Variants in MTHFSD observed in about 807,000 individuals in gnomAD.
MTHFSD encodes the protein methenyltetrahydrofolate synthetase domain containing, also known as methenyltetrahydrofolate synthase domain-containing protein.
Under a neutral mutation model 31.1 loss-of-function variants are expected in MTHFSD, and 37 were observed. The ratio of observed to expected loss-of-function variants is 1.19; its 90% CI spans 0.91 to 1.56. The LOEUF (loss-of-function observed/expected upper bound fraction) is 1.56. Among genes scored for constraint, MTHFSD ranks in the 40% most tolerant of loss-of-function variants. MTHFSD has a pLI of 0.00. For missense variants in MTHFSD, 664 were observed against 510.1 expected (o/e 1.30, Z -2.91); for synonymous variants, 221 against 206.9 (o/e 1.07, Z -0.59).
At chr16:86,552,238 T>A in intron 2 of MTHFSD, 92 bp from the exon 3 acceptor site, 1 of 1,612,176 alleles carries the variant, frequency 6.2e-7, no homozygotes, top group South Asian at 1.1e-5. Context: ...TTAATGGTCC[T>A]GGCCGTTTTG....
chr16:86,543,008 A>C (rs1241065599), intron 5 of MTHFSD, among the ~76,000 whole-genome samples: 1 of 152,274 alleles, frequency 6.6e-6, no homozygotes, highest in East Asian at 1.9e-4. Flanking sequence ...TGCCGTGTCT[A>C]AGACTCACAT....
At position 86,552,074 on chromosome 16, in the gene MTHFSD, G is replaced by A. The variant is rs749320752; in HGVS notation, c.196C>T (p.Pro66Ser). Residue 66 changes from proline to serine, a missense_variant, in exon 3 of 8, where the codon CCT (proline) becomes TCT (serine). By Grantham distance (74) the Pro-to-Ser change is moderately conservative. Coordinates refer to ENST00000360900, the MANE Select transcript of MTHFSD (RefSeq NM_001159377.2). ...CGAACGCCTTCCAGTGGTTTATCAG[G>A]GTCCACTTTAACTTCCTGTGTTCTG... ...FARTQEVKVD[P>S]DKPLEGVRLL... 6.2e-7 allele frequency: 1 copy of A among 1,614,150 alleles called. No individual in the cohort carries two copies. The highest frequency in any genetic ancestry group is 8.5e-7 in the Non-Finnish European group (1 of 1,180,042).
rs772448153 is a variant in MTHFSD at position 86,548,455 on chromosome 16, G to A, written c.351+9C>T. On this transcript the variant is annotated intron_variant, in intron 4 of 7. Coordinates refer to ENST00000360900, the MANE Select transcript of MTHFSD (RefSeq NM_001159377.2). ...TTTCCTAGGTGGGGACATTGCTTCT[G>A]GTACTTACCTGAGAGGTGGCACATT... 1 of 1,607,380 alleles carries A rather than the reference G, an allele frequency of 6.2e-7. No individual in the cohort carries two copies. Among genetic ancestry groups the A allele is most frequent in the Non-Finnish European group, 8.5e-7 (1 of 1,174,284 alleles).
In MTHFSD at chr16:86,542,008, C is replaced by T; in HGVS notation, c.555+93G>A. The stretch of plus-strand genomic sequence containing the variant: ...CTGATCCACACCACTCGCCACACAG[C>T]ATGGTTCAGAAGCAGATGAGTCTCC... On this transcript the variant is annotated intron_variant, in intron 6 of 7. Coordinates refer to ENST00000360900, the MANE Select transcript of MTHFSD (RefSeq NM_001159377.2). This position sits in a 1 kb window ranked among gnomAD's most constrained non-coding sequence, Gnocchi z 4.6. 7.3e-7 allele frequency: 1 copy of T among 1,371,666 alleles called. No individual in the cohort carries two copies. The highest frequency in any genetic ancestry group is 1.3e-5 in the South Asian group (1 of 78,440). The allele number at this position is 1,371,666 out of a possible 1,614,324, so 85.0% of individuals were successfully genotyped here. A position where few individuals can be genotyped will look rare whatever the true frequency, so the allele number is the denominator to read the frequency against.
chr16:86,533,081 C>T (rs572749771), intron 7 of MTHFSD: 2 of 152,410 alleles, frequency 1.3e-5, no homozygotes, highest in South Asian at 2.1e-4. Context: ...GCTTTGAAAA[C>T]ACTTCCTAGC....
At chr16:86,549,913 G>A (rs554371677) in intron 3 of MTHFSD, among the ~76,000 whole-genome samples, 11 of 152,320 alleles carry the variant, frequency 7.2e-5, no homozygotes, top group East Asian at 3.9e-4. Context: ...CCGGCACTGC[G>A]GACTGTCCGG....
rs1970021970 is a variant in MTHFSD, at chr16:86,531,875, A to G, written c.*136T>C. ...CGTTCACTGAGCGGTGACTTCTGAGAAGAATTGAGACCCGAGCAGCTCAGG... is the reference window on the plus strand; with the variant it reads ...CGTTCACTGAGCGGTGACTTCTGAGGAGAATTGAGACCCGAGCAGCTCAGG... On this transcript the variant is annotated 3_prime_UTR_variant, in exon 8 of 8. Transcript: ENST00000360900. The surrounding 1 kb of genome is among the most constrained non-coding windows in gnomAD (Gnocchi z 5.5). 5.6e-6 allele frequency: 3 copies of G among 534,822 alleles called. No homozygotes were observed. The African/African-American group carries it at 5.9e-5, about 11-fold the overall frequency. 33.1% of individuals were successfully genotyped at this position (534,822 alleles called of 1,614,324 possible).
intron 7 of MTHFSD, among the ~76,000 whole-genome samples, chr16:86,537,705 C>A (rs955574506): frequency 3.3e-5 from 5 of 152,310 alleles, no homozygotes; most frequent in East Asian, 1.9e-4. Flanking sequence ...GCCCTGTTCT[C>A]AAATCCTTTT....
chr16:86,540,896 G>T, intron 7 of MTHFSD: 1 of 1,125,228 alleles, frequency 8.9e-7, no homozygotes, highest in South Asian at 2.1e-5. Flanking sequence ...CAGGACACCT[G>T]CAGGGAAAGT....
At chr16:86,551,292 A>G (rs1014925158) in intron 3 of MTHFSD, among the ~76,000 whole-genome samples, 1 of 152,158 alleles carries the variant, frequency 6.6e-6, no homozygotes, top group Admixed American at 6.5e-5. Context: ...AGGGGCCTGT[A>G]TGTTTTCAGT....
At chr16:86,544,043 G>A (rs1254099484) in intron 5 of MTHFSD, among the ~76,000 whole-genome samples, 1 of 152,202 alleles carries the variant, frequency 6.6e-6, no homozygotes, top group Non-Finnish European at 1.5e-5. Context: ...AGGAAAACAA[G>A]CTGAGGGCTC....
Position 86,532,461 on chromosome 16 carries a change from C to T in MTHFSD, c.702G>A (p.Glu234=), listed in dbSNP as rs1037026615. ...GGAGGCTCCTCAGTATGGGGATTTT[C>T]TCCATCATCTCCAGGCTGATCTGAA... ...TWFKISLEMM[E]KIPILRSLRA... is the part of the protein sequence containing the mutation. Residue 234 remains glutamate (E), a synonymous_variant, in exon 8 of 8, where the codon GAG becomes GAA. Transcript: ENST00000360900. 2.8e-6 allele frequency: 4 copies of T among 1,434,530 alleles called. No homozygotes were observed. In the African/African-American group the frequency reaches 5.8e-5, roughly 21 times the overall value. 88.9% of individuals were successfully genotyped at this position (1,434,530 alleles called of 1,614,324 possible).
Position 86,555,163 on chromosome 16 carries a change from C to T in MTHFSD, c.16+6G>A. 1.3e-6 allele frequency: 2 copies of T among 1,536,582 alleles called. No homozygotes were observed. The highest frequency in any genetic ancestry group is 2.4e-5 in the East Asian group (1 of 41,002). ...AGCCGCCCCGGAGCCCCGCCAGGCCCCCCACCTGCCCTCGGCTCCATGGTG... is the reference window on the plus strand; with the variant it reads ...AGCCGCCCCGGAGCCCCGCCAGGCCTCCCACCTGCCCTCGGCTCCATGGTG... On this transcript the variant is annotated splice_donor_region_variant and intron_variant, in intron 1 of 7. Coordinates refer to ENST00000360900, the MANE Select transcript of MTHFSD (RefSeq NM_001159377.2).
rs886472083 is a variant in MTHFSD, at chr16:86,554,952, CG to C, written c.17-202del. ...AGGTGTCCCTCCCGCCTCGTCTTCT[CG>C]TTATCTTTATTTTTCCTGACATCTT... On this transcript the variant is annotated intron_variant, in intron 1 of 7. Transcript: ENST00000360900. 8.9e-5 allele frequency: 112 copies of C among 1,264,242 alleles called. 1 individual carries two copies. Among genetic ancestry groups the C allele is most frequent in the Admixed American group, 5.8e-5 (2 of 34,350 alleles). 78.3% of individuals were successfully genotyped at this position (1,264,242 alleles called of 1,614,324 possible). A position where few individuals can be genotyped will look rare whatever the true frequency, so the allele number is the denominator to read the frequency against.
intron 1 of MTHFSD, 47 bp downstream of exon 1, chr16:86,555,122 G>A: frequency 2.6e-6 from 4 of 1,530,670 alleles, no homozygotes; most frequent in East Asian, 2.5e-5. Context: ...GGTCCCGGCT[G>A]TCCCTCCCCA....
Position 86,542,939 on chromosome 16 carries a change from G to C in MTHFSD, c.443-726C>G, listed in dbSNP as rs962507176. On this transcript the variant is annotated intron_variant, in intron 5 of 7. Transcript: ENST00000360900. This position sits in a 1 kb window ranked among gnomAD's most constrained non-coding sequence, Gnocchi z 4.6. The stretch of plus-strand genomic sequence containing the variant: ...CTTATGAGAAGCCTGAGGCACTTCA[G>C]AAACTGAGGCCAGCGAGTGCCACCA... Among the ~76,000 whole-genome samples, 3 of 152,154 alleles carry C rather than the reference G, an allele frequency of 2.0e-5. No individual in the cohort carries two copies. The highest frequency in any genetic ancestry group is 4.4e-5 in the Non-Finnish European group (3 of 68,012).
At chr16:86,540,756 C>G in intron 7 of MTHFSD, 1 of 990,696 alleles carries the variant, frequency 1.0e-6, no homozygotes, top group Non-Finnish European at 1.2e-6. Flanking sequence ...CAGTGACCAC[C>G]TTCTTTCCCA....
At chr16:86,548,169 C>T in intron 4 of MTHFSD, 1 of 1,259,714 alleles carries the variant, frequency 7.9e-7, no homozygotes, top group South Asian at 1.3e-5. Flanking sequence ...CGCAGGTTAA[C>T]ACCGGGCAGT....
chr16:86,534,529 C>T (rs1439125594), intron 7 of MTHFSD, among the ~76,000 whole-genome samples: 1 of 151,814 alleles, frequency 6.6e-6, no homozygotes, highest in Non-Finnish European at 1.5e-5. Flanking sequence ...CCCAACCACC[C>T]CAACCTCTTT....
Sources: gnomAD v4.1 joint callset for allele counts (sites outside exome capture counted in the v4.1 genomes callset) on GRCh38, gnomAD v4.1.1 for gene constraint, Gnocchi (gnomAD v3.1) non-coding constraint, MANE v1.5 for transcripts, NCBI Gene and HGNC (gene_info 2026-07-23, HGNC 2026-07-21) for gene names.